Variants in KAZN observed in about 807,000 individuals in gnomAD.
KAZN encodes the protein kazrin.
A neutral mutation model predicts 87.4 loss-of-function variants in KAZN; 40 were observed. The observed-to-expected ratio is 0.46, with a 90% CI of 0.36 to 0.60. The LOEUF is 0.60. Among genes scored for constraint, KAZN ranks in the 20% least tolerant of loss-of-function variants. KAZN has a pLI of 0.00. For synonymous variants in KAZN, 466 were observed against 458.3 expected, an observed-to-expected ratio of 1.02 and a Z score of -0.22; for missense variants, 898 against 1,073.9, an observed-to-expected ratio of 0.84 and a Z score of 2.29.
At chr1:14,589,945 G>A (rs1183275675) in intron 2 of KAZN, among the ~76,000 whole-genome samples, 1 of 152,124 alleles carries the variant, frequency 6.6e-6, no homozygotes, top group Non-Finnish European at 1.5e-5. Context: ...GAGTAGAAAT[G>A]AGTGGAAAAC....
chr1:13,909,916 C>T (rs1282693464), intron 1 of KAZN, among the ~76,000 whole-genome samples: 1 of 152,118 alleles, frequency 6.6e-6, no homozygotes, highest in Non-Finnish European at 1.5e-5. Context: ...TCATGGAGGC[C>T]TCGTTTAAAC....
At chr1:14,000,412 A>G (rs920099726) in intron 1 of KAZN, among the ~76,000 whole-genome samples, 1 of 152,234 alleles carries the variant, frequency 6.6e-6, no homozygotes, top group Non-Finnish European at 1.5e-5. Context: ...CAATAAATGT[A>G]ATCCATCACA....
At chr1:13,893,360 T>A in exon 1 of KAZN, 1 of 248,860 alleles carries the variant, frequency 4.0e-6, no homozygotes, top group Non-Finnish European at 7.6e-6. Context: ...CCCTTCCGGG[T>A]CAAGAAGCCA....
intron 1 of KAZN, among the ~76,000 whole-genome samples, chr1:14,095,850 A>G (rs748606107): frequency 2.0e-5 from 3 of 152,166 alleles, no homozygotes; most frequent in Non-Finnish European, 4.4e-5. Context: ...TCTACTGTCA[A>G]AGCAAGCATA....
At chr1:14,302,498 C>G (rs191602105) in intron 2 of KAZN, among the ~76,000 whole-genome samples, 1 of 152,130 alleles carries the variant, frequency 6.6e-6, no homozygotes, top group African/African-American at 2.4e-5. Context: ...AGACATGTAT[C>G]CTGCCCAGAG....
intron 2 of KAZN, among the ~76,000 whole-genome samples, chr1:14,419,909 G>A (rs537237959): frequency 2.0e-5 from 3 of 152,254 alleles, no homozygotes; most frequent in East Asian, 3.9e-4. Flanking sequence ...GCAACAATGG[G>A]ATTTATTGCA....
chr1:14,964,456 C>T (rs962216150), intron 2 of KAZN, among the ~76,000 whole-genome samples: 4 of 152,100 alleles, frequency 2.6e-5, no homozygotes, highest in East Asian at 1.9e-4. Context: ...CTCAAGGTAG[C>T]GGCATTCCTG....
chr1:14,111,900 C>T (rs571248016), intron 1 of KAZN, among the ~76,000 whole-genome samples: 362 of 152,092 alleles, frequency 2.4e-3, no homozygotes, highest in African/African-American at 8.4e-3. Context: ...CCACCACGCC[C>T]GGCTAATTTT....
At chr1:14,227,911 T>C (rs1280881071) in intron 2 of KAZN, among the ~76,000 whole-genome samples, 1 of 152,180 alleles carries the variant, frequency 6.6e-6, no homozygotes, top group African/African-American at 2.4e-5. Context: ...TCTTTGAAAG[T>C]TGTGTGAGAC....
intron 2 of KAZN, among the ~76,000 whole-genome samples, chr1:14,971,991 G>C (rs1427099389): frequency 6.6e-6 from 1 of 152,120 alleles, no homozygotes; most frequent in African/African-American, 2.4e-5. Flanking sequence ...AGCAGAGGCT[G>C]TCTTTACGGT....
In KAZN at chr1:14,064,498, G is replaced by T. The variant is rs1438882513; in HGVS notation, c.92-115937G>T. Among the ~76,000 whole-genome samples the T allele has an allele frequency of 2.0e-5, 3 of 152,334 alleles. No individual in the cohort carries two copies. In the East Asian group the frequency reaches 5.8e-4, roughly 29 times the overall value. On this transcript the variant is annotated intron_variant, in intron 1 of 16. Coordinates refer to the KAZN transcript ENST00000636203. ...CTGCTTGGAGCCCATGCTGTAGAGGGGCTCACTAAGCTGAACCACCAAAAC... is the reference window on the plus strand; with the variant it reads ...CTGCTTGGAGCCCATGCTGTAGAGGTGCTCACTAAGCTGAACCACCAAAAC...
chr1:14,445,930 C>G (rs1379169888), intron 2 of KAZN, among the ~76,000 whole-genome samples: 1 of 151,914 alleles, frequency 6.6e-6, no homozygotes, highest in East Asian at 1.9e-4. Context: ...GGCACAGTGG[C>G]TCAAGCCTGT....
chr1:14,926,668 C>T (rs1156524617), intron 1 of KAZN, among the ~76,000 whole-genome samples: 2 of 152,208 alleles, frequency 1.3e-5, no homozygotes, highest in Non-Finnish European at 2.9e-5. Flanking sequence ...GGTTCTGAAA[C>T]CATCGGCTGT....
intron 1 of KAZN, among the ~76,000 whole-genome samples, chr1:14,742,672 G>A (rs1445975465): frequency 6.6e-6 from 1 of 152,176 alleles, no homozygotes; most frequent in Non-Finnish European, 1.5e-5. Flanking sequence ...CTCCAATGAT[G>A]TTTCTTTGAA....
intron 2 of KAZN, among the ~76,000 whole-genome samples, chr1:14,429,095 C>G (rs912308137): frequency 4.6e-5 from 7 of 152,090 alleles, no homozygotes; most frequent in Non-Finnish European, 1.0e-4. Flanking sequence ...TCTCTCCCAT[C>G]ATAATTCAAG....
chr1:14,799,884 A>G (rs1434111831), intron 1 of KAZN, among the ~76,000 whole-genome samples: 1 of 152,174 alleles, frequency 6.6e-6, no homozygotes, highest in African/African-American at 2.4e-5. Context: ...CCTTGAGTTC[A>G]TTTTTATATC....
At chr1:14,307,836 T>G (rs1247148491) in intron 2 of KAZN, among the ~76,000 whole-genome samples, 1 of 152,210 alleles carries the variant, frequency 6.6e-6, no homozygotes, top group Non-Finnish European at 1.5e-5. Flanking sequence ...ATTTATTAAC[T>G]ACAAATGAAG....
chr1:14,574,249 A>T (rs1323605742), intron 2 of KAZN, among the ~76,000 whole-genome samples: 1 of 152,194 alleles, frequency 6.6e-6, no homozygotes, highest in Non-Finnish European at 1.5e-5. Context: ...CCTGCACTTC[A>T]TCAATGGCCT....
intron 1 of KAZN, among the ~76,000 whole-genome samples, chr1:13,911,705 C>G (rs1639658672): frequency 6.6e-6 from 1 of 152,190 alleles, no homozygotes. Flanking sequence ...GGAGGCCAGA[C>G]AGAAGCATTT....
Sources: allele counts gnomAD v4.1 joint callset (sites outside exome capture counted in the v4.1 genomes callset), GRCh38; gene constraint gnomAD v4.1.1; transcripts MANE v1.5; gene names NCBI Gene and HGNC (gene_info 2026-07-23, HGNC 2026-07-21).